Variants in KCNIP1 observed in about 807,000 individuals in gnomAD.
KCNIP1 encodes potassium voltage-gated channel interacting protein 1, also known as A-type potassium channel modulatory protein KCNIP1.
Under a neutral mutation model 33.0 loss-of-function variants are expected in KCNIP1, and 18 were observed. The observed-to-expected ratio is 0.55, with a 90% CI of 0.38 to 0.81. The LOEUF (loss-of-function observed/expected upper bound fraction) is 0.81. KCNIP1 is among the 30% of genes least tolerant of loss of function. The pLI, the probability that KCNIP1 is intolerant of heterozygous loss-of-function variation, is 0.00. For missense variants in KCNIP1, 238 were observed against 271.6 expected (o/e 0.88, Z 0.87); for synonymous variants, 93 against 98.3 (o/e 0.95, Z 0.32).
At chr5:170,397,222 T>A (rs1754783392) in intron 1 of KCNIP1, among the ~76,000 whole-genome samples, 1 of 152,168 alleles carries the variant, frequency 6.6e-6, no homozygotes, top group Non-Finnish European at 1.5e-5. Flanking sequence ...AGAGGTGGGA[T>A]CCATTCAGTC....
intron 1 of KCNIP1, among the ~76,000 whole-genome samples, chr5:170,396,128 A>G (rs565631898): frequency 6.6e-6 from 1 of 152,356 alleles, no homozygotes; most frequent in African/African-American, 2.4e-5. Flanking sequence ...ATACACTTCA[A>G]CTGGGAAACC....
intron 1 of KCNIP1, among the ~76,000 whole-genome samples, chr5:170,574,834 G>A (rs777468286): frequency 4.6e-5 from 7 of 152,160 alleles, no homozygotes; most frequent in African/African-American, 9.7e-5. Flanking sequence ...GCTCTGGGAC[G>A]TGGGAGGAAA....
At chr5:170,702,539 T>G in intron 1 of KCNIP1, among the ~76,000 whole-genome samples, 1 of 152,190 alleles carries the variant, frequency 6.6e-6, no homozygotes, top group South Asian at 2.1e-4. Context: ...CTTGAAACTG[T>G]TTGGTGTCTT....
rs138645517 is a variant in KCNIP1 at position 170,489,013 on chromosome 5, C to G, written c.88+135049C>G. ...GAGCTGAGCCAAGCAGGTAAGAGTA[C>G]TGACCCCGAGCCCACTCGGGCTCTG... On this transcript the variant is annotated intron_variant, in intron 1 of 7. Coordinates refer to the KCNIP1 transcript ENST00000377360. This position sits in a 1 kb window ranked among gnomAD's most constrained non-coding sequence, Gnocchi z 4.3. Among the ~76,000 whole-genome samples the G allele has an allele frequency of 6.6e-6, 1 of 151,884 alleles. No homozygotes were observed. The highest frequency in any genetic ancestry group is 1.5e-5 in the Non-Finnish European group (1 of 67,934).
chr5:170,459,670 C>T (rs1270335456), intron 1 of KCNIP1, among the ~76,000 whole-genome samples: 1 of 152,104 alleles, frequency 6.6e-6, no homozygotes, highest in Non-Finnish European at 1.5e-5. Context: ...CCTATCAAAA[C>T]CTCTGGGATC....
At chr5:170,462,844 T>C (rs966752137) in intron 1 of KCNIP1, among the ~76,000 whole-genome samples, 2 of 152,188 alleles carry the variant, frequency 1.3e-5, no homozygotes, top group South Asian at 4.1e-4. Flanking sequence ...TTGGAGACTA[T>C]TATTCTAAGT....
chr5:170,602,222 C>T (rs1173502017), intron 1 of KCNIP1, among the ~76,000 whole-genome samples: 3 of 152,190 alleles, frequency 2.0e-5, no homozygotes, highest in Non-Finnish European at 4.4e-5. Context: ...GGTCCTGGGC[C>T]GTGGCACTGA....
chr5:170,712,271 G>T (rs767248347), intron 1 of KCNIP1, among the ~76,000 whole-genome samples: 2 of 152,138 alleles, frequency 1.3e-5, no homozygotes, highest in Non-Finnish European at 1.5e-5. Flanking sequence ...TCTGCATCTG[G>T]TTACTAATCA....
intron 1 of KCNIP1, among the ~76,000 whole-genome samples, chr5:170,410,138 G>T (rs911907151): frequency 2.0e-5 from 3 of 152,256 alleles, no homozygotes; most frequent in African/African-American, 2.4e-5. Context: ...TCATCAGCCT[G>T]CCCTGTGCAG....
intron 1 of KCNIP1, among the ~76,000 whole-genome samples, chr5:170,715,611 T>G (rs1561780512): frequency 6.6e-6 from 1 of 152,230 alleles, no homozygotes; most frequent in Non-Finnish European, 1.5e-5. Context: ...TAATATCACA[T>G]GCGCAGGGCA....
chr5:170,505,350 A>C (rs1754677384), intron 1 of KCNIP1, among the ~76,000 whole-genome samples: 3 of 152,202 alleles, frequency 2.0e-5, no homozygotes, highest in African/African-American at 7.2e-5. Context: ...AAATGGGTCC[A>C]GGTGAAGTTG....
intron 1 of KCNIP1, among the ~76,000 whole-genome samples, chr5:170,391,976 C>T (rs1267202403): frequency 6.6e-6 from 1 of 152,190 alleles, no homozygotes; most frequent in Non-Finnish European, 1.5e-5. Context: ...GTCTCTTCCC[C>T]TTCACCCTGG....
At chr5:170,403,636 C>T (rs574385427) in intron 1 of KCNIP1, among the ~76,000 whole-genome samples, 1 of 152,306 alleles carries the variant, frequency 6.6e-6, no homozygotes, top group Admixed American at 6.5e-5. Flanking sequence ...AGGTCTCCTT[C>T]CCAAGGCCAA....
chr5:170,545,318 C>T (rs941579802), intron 1 of KCNIP1, among the ~76,000 whole-genome samples: 4 of 152,122 alleles, frequency 2.6e-5, no homozygotes, highest in African/African-American at 7.2e-5. Context: ...CCTTTGTTTT[C>T]GGCATTTTGA....
At chr5:170,637,854 C>T (rs1302984625) in intron 1 of KCNIP1, among the ~76,000 whole-genome samples, 2 of 152,146 alleles carry the variant, frequency 1.3e-5, no homozygotes, top group African/African-American at 2.4e-5. Context: ...AGACTATCTG[C>T]TTCTTCTCCA....
At chr5:170,462,626 C>A (rs1756530003) in intron 1 of KCNIP1, among the ~76,000 whole-genome samples, 1 of 152,198 alleles carries the variant, frequency 6.6e-6, no homozygotes. Flanking sequence ...AATCCCACTA[C>A]TGGGTGTCTA....
intron 1 of KCNIP1, among the ~76,000 whole-genome samples, chr5:170,517,534 T>C (rs1755171861): frequency 1.3e-5 from 2 of 151,972 alleles, no homozygotes; most frequent in South Asian, 4.2e-4. Flanking sequence ...ATGGTGATTA[T>C]TATAGTATAG....
intron 5 of KCNIP1, among the ~76,000 whole-genome samples, chr5:170,724,220 C>G (rs1763932348): frequency 6.6e-6 from 1 of 152,040 alleles, no homozygotes; most frequent in Non-Finnish European, 1.5e-5. Flanking sequence ...AATATCAATC[C>G]TACAAAAAAA....
At chr5:170,598,904 CGTGTGTGTGTGTGTGT>C (rs70979192) in intron 1 of KCNIP1, among the ~76,000 whole-genome samples, 11 of 133,870 alleles carry the variant, frequency 8.2e-5, no homozygotes, top group South Asian at 8.0e-4. Flanking sequence ...TGTGTGTGCG[CGTGTGTGTGTGTGTGT>C]GTGTGTGTGT....
Sources: gnomAD v4.1 joint callset for allele counts (sites outside exome capture counted in the v4.1 genomes callset) on GRCh38, gnomAD v4.1.1 for gene constraint, Gnocchi (gnomAD v3.1) non-coding constraint, MANE v1.5 for transcripts, NCBI Gene and HGNC (gene_info 2026-07-23, HGNC 2026-07-21) for gene names.